The following PADI1 variants were observed in gnomAD, a reference collection of about 807,000 sequenced individuals.
The protein encoded by PADI1 is protein-arginine deiminase type-1.
Under a neutral mutation model 74.8 loss-of-function variants are expected in PADI1, and 65 were observed. That is an observed-to-expected ratio of 0.87 (90% CI 0.71 to 1.07). The LOEUF (loss-of-function observed/expected upper bound fraction) is 1.07. Ranked by LOEUF, PADI1 falls within the 50% of genes least tolerant of loss-of-function variation. PADI1 has a pLI of 0.00. For missense variants in PADI1, 943 were observed against 854.0 expected, an observed-to-expected ratio of 1.10 and a Z score of -1.30; for synonymous variants, 371 against 336.2, an observed-to-expected ratio of 1.10 and a Z score of -1.13.
intron 1 of PADI1, among the ~76,000 whole-genome samples, chr1:17,207,055 G>T (rs1270731080): frequency 2.0e-5 from 3 of 152,130 alleles, no homozygotes; most frequent in Non-Finnish European, 4.4e-5. Context: ...TAGGAAAAGG[G>T]TCCCTTGCAG....
At chr1:17,207,944 G>A (rs1181470834) in intron 1 of PADI1, among the ~76,000 whole-genome samples, 1 of 152,232 alleles carries the variant, frequency 6.6e-6, no homozygotes, top group African/African-American at 2.4e-5. Context: ...AGGGAAAGAG[G>A]GGCATGGAAT....
chr1:17,232,066 G>C (rs1408332713), intron 10 of PADI1, among the ~76,000 whole-genome samples: 1 of 152,138 alleles, frequency 6.6e-6, no homozygotes, highest in Non-Finnish European at 1.5e-5. Flanking sequence ...AGCCTCCCGA[G>C]TAGCTGGGAT....
intron 15 of PADI1, among the ~76,000 whole-genome samples, chr1:17,243,794 T>C (rs1233944598): frequency 6.6e-6 from 1 of 152,156 alleles, no homozygotes; most frequent in Non-Finnish European, 1.5e-5. Flanking sequence ...CTGGTAGTCC[T>C]GGCTGTTATT....
chr1:17,219,584 C>T (rs914111253), intron 1 of PADI1, among the ~76,000 whole-genome samples: 14 of 152,158 alleles, frequency 9.2e-5, no homozygotes, highest in Middle Eastern at 3.4e-3. Context: ...CCATCTACAT[C>T]GCCATTGAAG....
chr1:17,227,071 C>T (rs549216981), intron 6 of PADI1, among the ~76,000 whole-genome samples: 13 of 150,476 alleles, frequency 8.6e-5, no homozygotes, highest in Non-Finnish European at 4.4e-5. Context: ...GAGACTCATG[C>T]CTGTAGTCCC....
At chr1:17,235,019 A>T (rs2072594267) in intron 11 of PADI1, among the ~76,000 whole-genome samples, 1 of 151,874 alleles carries the variant, frequency 6.6e-6, no homozygotes, top group Admixed American at 6.6e-5. Flanking sequence ...TGGGAGGCTG[A>T]GGTAGGAGAA....
At chr1:17,228,837 G>C (rs1286451272) in intron 7 of PADI1, 40 bp downstream of exon 7, 4 of 1,605,334 alleles carry the variant, frequency 2.5e-6, no homozygotes. Context: ...AGGCTGAGGG[G>C]TTTGGGGGCC....
rs575213764 is a variant in PADI1 at position 17,217,100 on chromosome 1, C to T, written c.93-5190C>T. ...GGGAGGCTGAGCCCTAAGCCAGGTGCGCTGGGGCCAGCCGCACTCTGAAGA... is the reference window on the plus strand; with the variant it reads ...GGGAGGCTGAGCCCTAAGCCAGGTGTGCTGGGGCCAGCCGCACTCTGAAGA... On this transcript the variant is annotated intron_variant, in intron 1 of 15. Transcript: ENST00000375471. 2.6e-3 allele frequency among the ~76,000 whole-genome samples: 393 copies of T among 151,964 alleles called. 1 individual carries two copies. The highest frequency in any genetic ancestry group is 4.4e-3 in the Non-Finnish European group (296 of 67,930).
rs539775339 is a variant in PADI1, at chr1:17,212,465, A to T, written c.92+7156A>T. Among the ~76,000 whole-genome samples, 82 of 142,972 alleles carry T rather than the reference A, an allele frequency of 5.7e-4. 1 individual carries two copies. The highest frequency in any genetic ancestry group is 2.0e-3 in the African/African-American group (76 of 38,680). The allele number at this position is 142,972 out of a possible 152,430, so 93.8% of individuals were successfully genotyped here. ...CACCCACTCAGTTTCTGCCCCCAGG[A>T]TCTGGCCATGTCCAAAGTGCAGGAT... On this transcript the variant is annotated intron_variant, in intron 1 of 15. Transcript: ENST00000375471.
At chr1:17,229,091 T>C in intron 8 of PADI1, 40 bp downstream of exon 8, 1 of 1,301,790 alleles carries the variant, frequency 7.7e-7, no homozygotes. Flanking sequence ...AAGTCTGGAG[T>C]GCAGAGGTAG....
chr1:17,235,145 A>T (rs1011204297), intron 11 of PADI1, among the ~76,000 whole-genome samples: 1 of 138,442 alleles, frequency 7.2e-6, no homozygotes. Flanking sequence ...GGAAAGAAGG[A>T]AGGGAGGGAG....
chr1:17,239,825 C>A, intron 14 of PADI1, 42 bp downstream of exon 14: 1 of 1,498,836 alleles, frequency 6.7e-7, no homozygotes, highest in South Asian at 1.1e-5. Flanking sequence ...GGTCCTTTCC[C>A]TTCCAGGGAG....
intron 8 of PADI1, among the ~76,000 whole-genome samples, chr1:17,229,737 T>C (rs377720648): frequency 1.1e-4 from 17 of 152,324 alleles, no homozygotes; most frequent in Admixed American, 4.6e-4. Flanking sequence ...CTTAGGCCAA[T>C]TGTGTGGAAC....
chr1:17,222,165 C>G (rs941720304), intron 1 of PADI1, 125 bp from the exon 2 acceptor site: 8 of 672,226 alleles, frequency 1.2e-5, no homozygotes, highest in Non-Finnish European at 2.1e-5. Context: ...CTGTGCCTCC[C>G]CAGCCTGACT....
intron 1 of PADI1, among the ~76,000 whole-genome samples, chr1:17,207,500 G>A (rs1275222359): frequency 1.3e-5 from 2 of 152,218 alleles, no homozygotes; most frequent in Non-Finnish European, 2.9e-5. Context: ...GACCCCTTGC[G>A]CCGTGGGTGC....
intron 6 of PADI1, among the ~76,000 whole-genome samples, chr1:17,227,728 A>G (rs2100472248): frequency 6.6e-6 from 1 of 152,282 alleles, no homozygotes; most frequent in East Asian, 1.9e-4. Context: ...AGGAGCCAGA[A>G]TGTTCCCTCC....
chr1:17,213,616 A>G (rs1033578758), intron 1 of PADI1, among the ~76,000 whole-genome samples: 1 of 152,164 alleles, frequency 6.6e-6, no homozygotes, highest in African/African-American at 2.4e-5. Flanking sequence ...AGTAACACCT[A>G]CCTTGGTCGG....
chr1:17,221,264 G>A (rs2100441486), intron 1 of PADI1, among the ~76,000 whole-genome samples: 1 of 152,212 alleles, frequency 6.6e-6, no homozygotes, highest in East Asian at 1.9e-4. Flanking sequence ...CCATGTGCCA[G>A]ACACTGTTAT....
At chr1:17,239,596 TG>T in intron 13 of PADI1, 107 bp from the exon 14 acceptor site, 1 of 804,822 alleles carries the variant, frequency 1.2e-6, no homozygotes, top group Non-Finnish European at 2.1e-6. Context: ...CTTCTGACCC[TG>T]GCACTGAGGT....
Sources: allele counts gnomAD v4.1 joint callset (sites outside exome capture counted in the v4.1 genomes callset), GRCh38; gene constraint gnomAD v4.1.1; transcripts MANE v1.5; gene names NCBI Gene and HGNC (gene_info 2026-07-23, HGNC 2026-07-21).